The following ARHGAP24 variants were observed in gnomAD, a reference collection of about 807,000 sequenced individuals.
ARHGAP24 encodes Rho GTPase activating protein 24.
A neutral mutation model predicts 76.4 loss-of-function variants in ARHGAP24; 50 were observed. The ratio of observed to expected loss-of-function variants is 0.65; its 90% CI spans 0.52 to 0.83. ARHGAP24 has a LOEUF of 0.83. ARHGAP24 is among the 40% of genes least tolerant of loss of function. The probability of loss-of-function intolerance (pLI) is 0.00; values close to 1 mark genes in which losing one functional copy is unlikely to be tolerated. For missense variants in ARHGAP24, 930 were observed against 914.2 expected (o/e 1.02, Z -0.22); for synonymous variants, 345 against 323.3 (o/e 1.07, Z -0.72).
chr4:85,984,462 ATC>A (rs1005615134), intron 8 of ARHGAP24, among the ~76,000 whole-genome samples: 37 of 152,242 alleles, frequency 2.4e-4, no homozygotes, highest in African/African-American at 7.5e-4. Context: ...GCTCTCTGGG[ATC>A]TCTTTTATGC....
chr4:85,629,125 A>C (rs952644517), intron 2 of ARHGAP24, among the ~76,000 whole-genome samples: 4 of 152,118 alleles, frequency 2.6e-5, no homozygotes, highest in African/African-American at 9.6e-5. Context: ...TTGTGAATAC[A>C]CTGCAGGATT....
intron 2 of ARHGAP24, among the ~76,000 whole-genome samples, chr4:85,622,802 G>A (rs1720770136): frequency 2.0e-5 from 3 of 152,212 alleles, no homozygotes; most frequent in Admixed American, 2.0e-4. Context: ...ACTGGTGTGA[G>A]ATGATATCTC....
intron 1 of ARHGAP24, among the ~76,000 whole-genome samples, chr4:85,483,977 C>G (rs1722921788): frequency 6.6e-6 from 1 of 152,166 alleles, no homozygotes; most frequent in Non-Finnish European, 1.5e-5. Context: ...AAGCTAGATA[C>G]TTAACATATA....
At chr4:85,817,985 G>A (rs1729311669) in intron 3 of ARHGAP24, among the ~76,000 whole-genome samples, 1 of 152,136 alleles carries the variant, frequency 6.6e-6, no homozygotes, top group African/African-American at 2.4e-5. Context: ...TATTTCATAA[G>A]CCAAGGCCTT....
intron 3 of ARHGAP24, among the ~76,000 whole-genome samples, chr4:85,842,844 A>C (rs1730682012): frequency 6.6e-6 from 1 of 152,214 alleles, no homozygotes; most frequent in Non-Finnish European, 1.5e-5. Flanking sequence ...GCATCGTGTA[A>C]GTTGTCTCAT....
chr4:85,722,962 A>G (rs934334336), intron 3 of ARHGAP24, among the ~76,000 whole-genome samples: 1 of 152,244 alleles, frequency 6.6e-6, no homozygotes, highest in Non-Finnish European at 1.5e-5. Flanking sequence ...CATCTGGCTC[A>G]TGATGGAATC....
intron 5 of ARHGAP24, among the ~76,000 whole-genome samples, chr4:85,963,893 G>A (rs937032175): frequency 1.4e-5 from 2 of 147,098 alleles, no homozygotes; most frequent in African/African-American, 4.9e-5. Context: ...ACTTATATAT[G>A]TTTTTTTTCA....
chr4:85,900,694 G>C (rs926110138), intron 3 of ARHGAP24, among the ~76,000 whole-genome samples: 1 of 152,160 alleles, frequency 6.6e-6, no homozygotes, highest in Non-Finnish European at 1.5e-5. Flanking sequence ...CCAAAGTACA[G>C]GGATTACAGG....
intron 3 of ARHGAP24, among the ~76,000 whole-genome samples, chr4:85,790,114 C>T (rs1728049892): frequency 6.6e-6 from 1 of 152,038 alleles, no homozygotes; most frequent in Non-Finnish European, 1.5e-5. Context: ...TATGGGGCCC[C>T]AGAATATGCA....
At position 85,612,887 on chromosome 4, in the gene ARHGAP24, C is replaced by T. The variant is rs576924953; in HGVS notation, c.180+42166C>T. 3.3e-5 allele frequency among the ~76,000 whole-genome samples: 5 copies of T among 150,236 alleles called. No homozygotes were observed. The South Asian group carries it at 1.1e-3, about 32-fold the overall frequency. ...AATCATGGCTCACTGCAGCCACAAC[C>T]TCCTGGACTCAAGCAATTCACCCAC... is the stretch of plus-strand genomic sequence containing the variant. On this transcript the variant is annotated intron_variant, in intron 2 of 9. Coordinates refer to ENST00000395184, the MANE Select transcript of ARHGAP24 (RefSeq NM_001025616.3).
At chr4:85,912,013 A>G (rs1735114482) in intron 3 of ARHGAP24, among the ~76,000 whole-genome samples, 1 of 152,202 alleles carries the variant, frequency 6.6e-6, no homozygotes, top group South Asian at 2.1e-4. Flanking sequence ...GAGTCCCATT[A>G]CAATTAGGTG....
intron 1 of ARHGAP24, among the ~76,000 whole-genome samples, chr4:85,558,216 C>G (rs73835210): frequency 6.6e-5 from 10 of 152,002 alleles, no homozygotes; most frequent in Non-Finnish European, 1.5e-5. Context: ...GTGGCATCAA[C>G]GAGAAAAACA....
At chr4:85,873,112 T>C (rs1560686806) in intron 3 of ARHGAP24, among the ~76,000 whole-genome samples, 2 of 152,120 alleles carry the variant, frequency 1.3e-5, no homozygotes, top group African/African-American at 2.4e-5. Flanking sequence ...AGCCTACTCC[T>C]TACTGGCAGC....
chr4:85,718,504 T>C (rs1428103889), intron 2 of ARHGAP24, among the ~76,000 whole-genome samples: 2 of 152,114 alleles, frequency 1.3e-5, no homozygotes, highest in African/African-American at 4.8e-5. Flanking sequence ...ACTATAAATA[T>C]TGCTAAACAC....
At chr4:85,670,392 AG>A (rs1380269048) in intron 2 of ARHGAP24, among the ~76,000 whole-genome samples, 2 of 152,188 alleles carry the variant, frequency 1.3e-5, no homozygotes, top group Non-Finnish European at 2.9e-5. Flanking sequence ...ATTCAAATAA[AG>A]CCACTCTTGA....
intron 4 of ARHGAP24, among the ~76,000 whole-genome samples, chr4:85,934,906 C>T (rs560767619): frequency 6.6e-5 from 10 of 152,230 alleles, no homozygotes; most frequent in Non-Finnish European, 1.2e-4. Flanking sequence ...AGTATACACA[C>T]ATGCACATAT....
chr4:85,625,300 T>C (rs1379978622), intron 2 of ARHGAP24, among the ~76,000 whole-genome samples: 7 of 152,230 alleles, frequency 4.6e-5, no homozygotes, highest in Non-Finnish European at 1.0e-4. Context: ...TCAAAGAACA[T>C]CATTATTTCT....
chr4:85,766,617 A>T (rs769136351), intron 3 of ARHGAP24, among the ~76,000 whole-genome samples: 4 of 152,158 alleles, frequency 2.6e-5, no homozygotes, highest in Non-Finnish European at 5.9e-5. Flanking sequence ...TTCCTTGGAG[A>T]CTAAAGACAG....
intron 3 of ARHGAP24, among the ~76,000 whole-genome samples, chr4:85,828,927 G>A (rs1182924931): frequency 6.6e-6 from 1 of 152,044 alleles, no homozygotes; most frequent in East Asian, 1.9e-4. Context: ...TACTGTGTAA[G>A]TAGAAGAAGA....
Sources: allele counts gnomAD v4.1 joint callset (sites outside exome capture counted in the v4.1 genomes callset), GRCh38; gene constraint gnomAD v4.1.1; transcripts MANE v1.5; gene names NCBI Gene and HGNC (gene_info 2026-07-23, HGNC 2026-07-21).